Variants in GRK7 observed in about 807,000 individuals in gnomAD.
The protein encoded by GRK7 is G protein-coupled receptor kinase 7, also known as rhodopsin kinase GRK7.
In GRK7, 24 loss-of-function variants were observed where a neutral mutation model predicts 34.1. That is an observed-to-expected ratio of 0.70 (90% CI 0.51 to 0.99). The LOEUF (loss-of-function observed/expected upper bound fraction) is 0.99, where lower values mean the gene tolerates loss of function less well. Ranked by LOEUF, GRK7 falls within the 50% of genes least tolerant of loss-of-function variation. The probability of loss-of-function intolerance (pLI) is 0.00; values close to 1 mark genes in which losing one functional copy is unlikely to be tolerated. For missense variants in GRK7, 644 were observed against 707.3 expected (o/e 0.91, Z 1.02); for synonymous variants, 256 against 279.4 (o/e 0.92, Z 0.84).
upstream of GRK7, among the ~76,000 whole-genome samples, chr3:141,760,585 T>TAC (rs1399659006): frequency 6.7e-6 from 1 of 150,182 alleles, no homozygotes; most frequent in East Asian, 1.9e-4. Flanking sequence ...AAAAAATGTA[T>TAC]ATTCTGTTGA....
chr3:141,781,380 T>C (rs1319947715), intron 4 of GRK7, among the ~76,000 whole-genome samples: 1 of 151,082 alleles, frequency 6.6e-6, no homozygotes, highest in Non-Finnish European at 1.5e-5. Flanking sequence ...CTAGTAAAAA[T>C]ACAAAAATTA....
chr3:141,800,721 C>T (rs984714114), intron 4 of GRK7, among the ~76,000 whole-genome samples: 11 of 152,266 alleles, frequency 7.2e-5, no homozygotes, highest in African/African-American at 2.6e-4. Context: ...ATTTATACAA[C>T]ATTCAAGGAC....
chr3:141,779,921 G>C (rs903053472), intron 3 of GRK7, among the ~76,000 whole-genome samples: 1 of 152,164 alleles, frequency 6.6e-6, no homozygotes, highest in African/African-American at 2.4e-5. Flanking sequence ...TTCATCTGTT[G>C]ATGGACACTT....
chr3:141,782,535 C>T (rs955526026), intron 4 of GRK7, among the ~76,000 whole-genome samples: 3 of 151,984 alleles, frequency 2.0e-5, no homozygotes, highest in African/African-American at 4.8e-5. Flanking sequence ...CTGGGATAGA[C>T]GTGGGGATTT....
intron 4 of GRK7, among the ~76,000 whole-genome samples, chr3:141,803,265 GA>G (rs3057588): frequency 0.13 from 13,368 of 106,712 alleles, 666 homozygotes; most frequent in African/African-American, 0.15. Context: ...TGTCTCTACT[GA>G]AAAAAAAAAA....
rs148052753 is a variant in GRK7 at position 141,800,837 on chromosome 3, GTT to G, written c.1051-6805_1051-6804del. Among the ~76,000 whole-genome samples the G allele has an allele frequency of 9.7e-4, 147 of 152,196 alleles. 1 individual carries two copies. The East Asian group carries it at 0.027, about 28-fold the overall frequency. On this transcript the variant is annotated intron_variant, in intron 4 of 5. Coordinates refer to ENST00000682958, the MANE Select transcript of GRK7 (RefSeq NM_139209.3). ...GGGAACTTTCTGGACAGACAGAAAT[GTT>G]TTATATCTTGTTTGGGTGGTATTTA...
At chr3:141,766,863 A>G (rs894693710) in intron 1 of GRK7, among the ~76,000 whole-genome samples, 1 of 152,256 alleles carries the variant, frequency 6.6e-6, no homozygotes, top group African/African-American at 2.4e-5. Flanking sequence ...GAACACATAC[A>G]GTTCATTTGC....
intron 5 of GRK7, among the ~76,000 whole-genome samples, chr3:141,809,031 T>A (rs894762151): frequency 6.6e-6 from 1 of 152,006 alleles, no homozygotes; most frequent in Non-Finnish European, 1.5e-5. Flanking sequence ...TGAAACCCCA[T>A]GTCCACTAAA....
chr3:141,804,684 TACAC>T (rs1238603230), intron 4 of GRK7, among the ~76,000 whole-genome samples: 1 of 148,520 alleles, frequency 6.7e-6, no homozygotes, highest in East Asian at 2.0e-4. Flanking sequence ...GATACACACA[TACAC>T]ACATGCTCTC....
At chr3:141,754,696 A>G in the GRK7 span, among the ~76,000 whole-genome samples, 1 of 152,184 alleles carries the variant, frequency 6.6e-6, no homozygotes, top group Non-Finnish European at 1.5e-5. Flanking sequence ...AAAGGAAGAA[A>G]AGGAAAAGAA....
intron 5 of GRK7, among the ~76,000 whole-genome samples, chr3:141,809,713 A>G (rs999104039): frequency 3.9e-5 from 6 of 152,248 alleles, no homozygotes; most frequent in African/African-American, 1.4e-4. Flanking sequence ...AAAAGATACT[A>G]TAGAAGAAAA....
At position 141,780,345 on chromosome 3, in the gene GRK7, T is replaced by A. The variant is rs758119429; in HGVS notation, c.613-29T>A. On this transcript the variant is annotated intron_variant, in intron 3 of 5. Coordinates refer to ENST00000682958, the MANE Select transcript of GRK7 (RefSeq NM_139209.3). The stretch of plus-strand genomic sequence containing the variant: ...CTCTGCAGTACCATCTACTTCTACC[T>A]CTTTCTCTTCTTTTCTTTCTCCTTT... 7 of 1,590,594 alleles carry A rather than the reference T, an allele frequency of 4.4e-6. No homozygotes were observed. In the Admixed American group the frequency reaches 5.2e-5, roughly 12 times the overall value.
At chr3:141,779,039 C>A in intron 3 of GRK7, 143 bp downstream of exon 3, 1 of 825,010 alleles carries the variant, frequency 1.2e-6, no homozygotes, top group Non-Finnish European at 1.9e-6. Context: ...GTCTCCCCAG[C>A]CCCCTTCTTT....
At chr3:141,775,285 A>G (rs2084633990) in intron 2 of GRK7, among the ~76,000 whole-genome samples, 1 of 152,058 alleles carries the variant, frequency 6.6e-6, no homozygotes, top group Non-Finnish European at 1.5e-5. Context: ...CTGTAGTCTC[A>G]GCTACTTGGG....
chr3:141,796,890 T>C (rs898174335), intron 4 of GRK7, among the ~76,000 whole-genome samples: 3 of 152,184 alleles, frequency 2.0e-5, no homozygotes, highest in Non-Finnish European at 4.4e-5. Flanking sequence ...CAACAGCCGC[T>C]AATACATACT....
chr3:141,760,296 G>A (rs565938877), upstream of GRK7, among the ~76,000 whole-genome samples: 92 of 118,952 alleles, frequency 7.7e-4, no homozygotes, highest in African/African-American at 2.9e-3. Flanking sequence ...ATGCGTCCCA[G>A]AGATTCTGGT....
intron 5 of GRK7, among the ~76,000 whole-genome samples, chr3:141,811,877 G>T (rs1711095986): frequency 6.6e-6 from 1 of 152,150 alleles, no homozygotes; most frequent in African/African-American, 2.4e-5. Flanking sequence ...TTATGGGTCT[G>T]GGAGATAATT....
In GRK7 at chr3:141,816,985, C is replaced by G; in HGVS notation, c.1597C>G (p.Pro533Ala). ...GGGACTGTTTGAGGAACTGAATGAC[C>G]CCAACAGACCTACGGGTTGTGAGGA... ...ETGLFEELND[P>A]NRPTGCEEGN... Residue 533 changes from proline to alanine, a missense_variant, in exon 6 of 6, where the codon CCC becomes GCC. Pro to Ala is a conservative substitution (Grantham distance 27). Coordinates refer to ENST00000682958, the MANE Select transcript of GRK7 (RefSeq NM_139209.3). 1 of 1,613,738 alleles carries G rather than the reference C, an allele frequency of 6.2e-7. No individual in the cohort carries two copies. The highest frequency in any genetic ancestry group is 1.1e-5 in the South Asian group (1 of 91,014).
rs1352573333 is a variant in GRK7, at chr3:141,763,587, A to C, written c.-2366A>C. ...GGAAGCTGCAGGATCCCGGATCCAG[A>C]TCCAGTGTGCGTGGCAAGGCCAGCA... On this transcript the variant is annotated 5_prime_UTR_variant, in exon 1 of 6. Coordinates refer to ENST00000682958, the MANE Select transcript of GRK7 (RefSeq NM_139209.3). Among the ~76,000 whole-genome samples, 1 of 152,096 alleles carries C rather than the reference A, an allele frequency of 6.6e-6. No individual in the cohort carries two copies. The highest frequency in any genetic ancestry group is 2.1e-4 in the South Asian group (1 of 4,826).
Sources: gnomAD v4.1 joint callset for allele counts (sites outside exome capture counted in the v4.1 genomes callset) on GRCh38, gnomAD v4.1.1 for gene constraint, MANE v1.5 for transcripts, NCBI Gene and HGNC (gene_info 2026-07-23, HGNC 2026-07-21) for gene names.